BASP1: variants seen among roughly 807,000 people sequenced by gnomAD.
BASP1 encodes brain acid soluble protein 1.
A neutral mutation model predicts 2.2 loss-of-function variants in BASP1; 1 was observed. That is an observed-to-expected ratio of 0.46 (90% CI 0.16 to 2.17). The LOEUF (loss-of-function observed/expected upper bound fraction) is 2.17, where lower values mean the gene tolerates loss of function less well. Ranked by LOEUF, BASP1 falls within the 30% of genes most tolerant of loss-of-function variation. The probability of loss-of-function intolerance (pLI) is 0.27; values close to 1 mark genes in which losing one functional copy is unlikely to be tolerated. For synonymous variants in BASP1, 187 were observed against 154.2 expected (o/e 1.21, Z -1.58); for missense variants, 352 against 327.2 (o/e 1.08, Z -0.58).
chr5:17,226,931 C>CTTTTTTTT (rs5866244), intron 1 of BASP1, among the ~76,000 whole-genome samples: 6 of 144,784 alleles, frequency 4.1e-5, no homozygotes, highest in Non-Finnish European at 7.5e-5. Flanking sequence ...ACTCATTTTT[C>CTTTTTTTT]TTTTTTTTTT....
rs1300726478 is a variant in BASP1, at chr5:17,236,431, T to A, written c.-10+18621T>A. Among the ~76,000 whole-genome samples, 1 of 152,042 alleles carries A rather than the reference T, an allele frequency of 6.6e-6. No homozygotes were observed. The highest frequency in any genetic ancestry group is 2.4e-5 in the African/African-American group (1 of 41,386). On this transcript the variant is annotated intron_variant, in intron 1 of 1. Coordinates refer to ENST00000322611, the MANE Select transcript of BASP1 (RefSeq NM_006317.5). The surrounding 1 kb of genome is among the most constrained non-coding windows in gnomAD (Gnocchi z 4.0). ...GGCACCTGCCACCATGCCTGGCTAA[T>A]TTTTTGTATTTTTAGTAGAGACGGG...
At chr5:17,239,320 C>G (rs1484978750) in intron 1 of BASP1, among the ~76,000 whole-genome samples, 1 of 152,098 alleles carries the variant, frequency 6.6e-6, no homozygotes, top group South Asian at 2.1e-4. Flanking sequence ...GTCTCGATCT[C>G]CTGACCTTGT....
chr5:17,217,957 C>T (rs1437466942), intron 1 of BASP1, 147 bp downstream of exon 1: 2 of 152,280 alleles, frequency 1.3e-5, no homozygotes, highest in African/African-American at 2.4e-5. Flanking sequence ...CGGCAAGGGC[C>T]TGGGGTCCCT....
chr5:17,261,939 G>A (rs1451424570), intron 1 of BASP1, among the ~76,000 whole-genome samples: 2 of 152,110 alleles, frequency 1.3e-5, no homozygotes, highest in Admixed American at 6.5e-5. Context: ...CTCCTTTATC[G>A]AAGTGACTCT....
intron 1 of BASP1, among the ~76,000 whole-genome samples, chr5:17,270,188 C>T (rs10062473): frequency 0.068 from 10,412 of 152,016 alleles, 433 homozygotes; most frequent in African/African-American, 0.1. Flanking sequence ...TTAGTAGAGA[C>T]GGGGTTTCTC....
rs1740654367 is a variant in BASP1 at position 17,276,010 on chromosome 5, C to T, written c.*110C>T. ...CTCCTCTCTCTCTCTCCTCTCCTAT[C>T]TCTCCTCTCTCTCTCTCCTATACTA... is the stretch of plus-strand genomic sequence containing the variant. On this transcript the variant is annotated 3_prime_UTR_variant, in exon 2 of 2. Coordinates refer to ENST00000322611, the MANE Select transcript of BASP1 (RefSeq NM_006317.5). 1 of 901,556 alleles carries T rather than the reference C, an allele frequency of 1.1e-6. No homozygotes were observed. Among genetic ancestry groups the T allele is most frequent in the Admixed American group, 3.6e-5 (1 of 27,860 alleles). 55.8% of individuals were successfully genotyped at this position (901,556 alleles called of 1,614,324 possible).
intron 1 of BASP1, among the ~76,000 whole-genome samples, chr5:17,255,148 A>G (rs1197775591): frequency 3.3e-5 from 5 of 152,136 alleles, no homozygotes; most frequent in African/African-American, 9.7e-5. Flanking sequence ...AAATCTTTCT[A>G]TGTTAGTATT....
At chr5:17,222,114 T>G (rs1470568938) in intron 1 of BASP1, among the ~76,000 whole-genome samples, 1 of 152,076 alleles carries the variant, frequency 6.6e-6, no homozygotes, top group Non-Finnish European at 1.5e-5. Flanking sequence ...TGTTCCAGCT[T>G]GATTAATGAA....
At chr5:17,250,696 C>T (rs1740084788) in intron 1 of BASP1, among the ~76,000 whole-genome samples, 1 of 152,172 alleles carries the variant, frequency 6.6e-6, no homozygotes, top group African/African-American at 2.4e-5. Flanking sequence ...GCTCCACCTC[C>T]CGGGTTCATG....
rs17543529 is a variant in BASP1 at position 17,234,877 on chromosome 5, A to C, written c.-10+17067A>C. Among the ~76,000 whole-genome samples the C allele has an allele frequency of 7.8e-3, 1,194 of 152,360 alleles. 13 individuals are homozygous for C. The highest frequency in any genetic ancestry group is 0.041 in the Middle Eastern group (12 of 294). ...CTGACTAAGCCATGTGAGATATTCC[A>C]GTGAGATATTCAATTGGCTATTATT... On this transcript the variant is annotated intron_variant, in intron 1 of 1. Transcript: ENST00000322611.
chr5:17,263,603 T>C (rs1228054923), intron 1 of BASP1, among the ~76,000 whole-genome samples: 1 of 152,232 alleles, frequency 6.6e-6, no homozygotes, highest in Non-Finnish European at 1.5e-5. Flanking sequence ...TGGAGGCGTT[T>C]CTTGTGATTA....
At chr5:17,218,228 T>A (rs1483665756) in intron 1 of BASP1, among the ~76,000 whole-genome samples, 1 of 110,250 alleles carries the variant, frequency 9.1e-6, no homozygotes, top group Non-Finnish European at 1.7e-5. Context: ...CTTACCAGCC[T>A]GGGAGAAAGC....
At position 17,241,745 on chromosome 5, in the gene BASP1, C is replaced by T. The variant is rs562681860; in HGVS notation, c.-10+23935C>T. Among the ~76,000 whole-genome samples the T allele has an allele frequency of 5.9e-5, 9 of 152,292 alleles. No individual in the cohort carries two copies. The South Asian group carries it at 1.9e-3, about 32-fold the overall frequency. On this transcript the variant is annotated intron_variant, in intron 1 of 1. Transcript: ENST00000322611. ...GCCACCATGGGTGTCCCTCGATGTT[C>T]TCTCCTGTCCCTTCAACTGTGCTCT...
At chr5:17,272,349 T>G in intron 1 of BASP1, among the ~76,000 whole-genome samples, 1 of 152,164 alleles carries the variant, frequency 6.6e-6, no homozygotes, top group East Asian at 1.9e-4. Context: ...CTATCCCCTC[T>G]GTGGTGCCTT....
chr5:17,234,100 C>CA (rs141750668), intron 1 of BASP1, among the ~76,000 whole-genome samples: 15,513 of 152,116 alleles, frequency 0.1, 1,158 homozygotes, highest in African/African-American at 0.2. Flanking sequence ...CACTGCACTC[C>CA]AGCCTGCACG....
intron 1 of BASP1, among the ~76,000 whole-genome samples, chr5:17,250,959 C>A (rs536174279): frequency 1.3e-5 from 2 of 152,322 alleles, no homozygotes; most frequent in South Asian, 2.1e-4. Context: ...GCGATCTACA[C>A]GCTGTTAGAT....
intron 1 of BASP1, among the ~76,000 whole-genome samples, chr5:17,235,366 T>C (rs1043817767): frequency 1.3e-5 from 2 of 151,866 alleles, no homozygotes; most frequent in Non-Finnish European, 2.9e-5. Flanking sequence ...GTTCACGCCA[T>C]TCTCCTGCCT....
At chr5:17,217,501 A>G (rs1172232653), upstream of BASP1, 1 of 86,764 alleles carries the variant, frequency 1.2e-5, no homozygotes, top group Admixed American at 1.3e-4. Context: ...GAGGGAGGGG[A>G]GAGAGGCGGG....
chr5:17,255,477 CAT>C (rs1161835259), intron 1 of BASP1, among the ~76,000 whole-genome samples: 1 of 152,076 alleles, frequency 6.6e-6, no homozygotes, highest in East Asian at 1.9e-4. Flanking sequence ...TTTTCCTTAA[CAT>C]CTGAGAATCA....
Sources: gnomAD v4.1 joint callset for allele counts (sites outside exome capture counted in the v4.1 genomes callset) on GRCh38, gnomAD v4.1.1 for gene constraint, Gnocchi (gnomAD v3.1) non-coding constraint, MANE v1.5 for transcripts, NCBI Gene and HGNC (gene_info 2026-07-23, HGNC 2026-07-21) for gene names.